IFT52: variants seen among roughly 807,000 people sequenced by gnomAD.
IFT52 encodes the protein intraflagellar transport 52.
A neutral mutation model predicts 54.4 loss-of-function variants in IFT52; 44 were observed. That is an observed-to-expected ratio of 0.81 (90% CI 0.63 to 1.04). IFT52 has a LOEUF of 1.04. Among genes scored for constraint, IFT52 ranks in the 50% least tolerant of loss-of-function variants. IFT52 has a pLI of 0.00. For missense variants in IFT52, 452 were observed against 523.6 expected (o/e 0.86, Z 1.33); for synonymous variants, 181 against 185.3 (o/e 0.98, Z 0.19).
intron 3 of IFT52, 71 bp from the exon 4 acceptor site, chr20:43,603,689 G>C (rs1473091557): frequency 1.5e-6 from 2 of 1,347,012 alleles, no homozygotes; most frequent in African/African-American, 2.9e-5. Context: ...ATCTAGTTAA[G>C]GTCTTATTCA....
intron 6 of IFT52, among the ~76,000 whole-genome samples, chr20:43,613,121 G>A (rs1600477406): frequency 1.3e-5 from 2 of 152,238 alleles, no homozygotes; most frequent in African/African-American, 2.4e-5. Flanking sequence ...CTGTGTAGAA[G>A]TGTCCATTAT....
chr20:43,625,953 T>A (rs143686414), intron 10 of IFT52, among the ~76,000 whole-genome samples: 1 of 149,370 alleles, frequency 6.7e-6, no homozygotes, highest in Non-Finnish European at 1.5e-5. Flanking sequence ...GGAGGATTGC[T>A]TGGGCCCCAA....
intron 6 of IFT52, among the ~76,000 whole-genome samples, chr20:43,613,598 A>G (rs1024156225): frequency 4.6e-5 from 7 of 152,212 alleles, no homozygotes; most frequent in African/African-American, 1.7e-4. Flanking sequence ...CCTGGTCAAC[A>G]TGGTAAAACC....
intron 3 of IFT52, among the ~76,000 whole-genome samples, chr20:43,601,549 C>A (rs1391514940): frequency 6.6e-6 from 1 of 152,184 alleles, no homozygotes; most frequent in African/African-American, 2.4e-5. Flanking sequence ...GTATCTTTTT[C>A]TTAAAATGCC....
At chr20:43,640,223 G>A (rs1463923483) in intron 12 of IFT52, among the ~76,000 whole-genome samples, 3 of 151,942 alleles carry the variant, frequency 2.0e-5, no homozygotes, top group Non-Finnish European at 4.4e-5. Flanking sequence ...TTGGGAGGCC[G>A]AGGCAGGTGG....
At chr20:43,643,281 T>A (rs193196074) in intron 13 of IFT52, among the ~76,000 whole-genome samples, 2,122 of 20,900 alleles carry the variant, frequency 0.1, 126 homozygotes, top group Admixed American at 0.12. Context: ...AGGTCAGGAG[T>A]TTGAGACCAG....
At chr20:43,639,979 CTG>C (rs1306614544) in intron 12 of IFT52, among the ~76,000 whole-genome samples, 10 of 151,896 alleles carry the variant, frequency 6.6e-5, no homozygotes, top group Admixed American at 2.6e-4. Flanking sequence ...CTGGGCAACA[CTG>C]TGAGACCTCT....
chr20:43,606,150 G>A (rs1012819747), intron 6 of IFT52, among the ~76,000 whole-genome samples: 1 of 151,846 alleles, frequency 6.6e-6, no homozygotes, highest in Non-Finnish European at 1.5e-5. Context: ...GAACCTGGGA[G>A]GTGGAGGTTG....
chr20:43,640,313 A>G (rs1229597290), intron 12 of IFT52, among the ~76,000 whole-genome samples: 1 of 152,090 alleles, frequency 6.6e-6, no homozygotes, highest in East Asian at 1.9e-4. Flanking sequence ...ATAAAAAATT[A>G]GCCAGGCATG....
intron 1 of IFT52, among the ~76,000 whole-genome samples, chr20:43,592,570 C>CAA (rs10715757): frequency 0.04 from 5,729 of 142,036 alleles, 317 homozygotes; most frequent in African/African-American, 0.12. Context: ...CAGACTCTCT[C>CAA]AAAAAAAAAA....
rs1490072517 is a variant in IFT52 at position 43,647,268 on chromosome 20, A to C, written c.*285A>C. ...TTTCTCAACCCCAGTTCTGGATTTGAGTCTTTTATCAAAGACATAATTAAC... is the reference window on the plus strand; with the variant it reads ...TTTCTCAACCCCAGTTCTGGATTTGCGTCTTTTATCAAAGACATAATTAAC... On this transcript the variant is annotated 3_prime_UTR_variant, in exon 14 of 14. Transcript: ENST00000373030. 2.3e-6 allele frequency: 1 copy of C among 440,526 alleles called. No homozygotes were observed. The highest frequency in any genetic ancestry group is 4.0e-6 in the Non-Finnish European group (1 of 248,544). The allele number at this position is 440,526 out of a possible 1,614,324, so 27.3% of individuals were successfully genotyped here.
rs535055374 is a variant in IFT52 at position 43,643,924 on chromosome 20, C to G, written c.1266+1300C>G. On this transcript the variant is annotated intron_variant, in intron 13 of 13. Coordinates refer to ENST00000373030, the MANE Select transcript of IFT52 (RefSeq NM_016004.5). ...GACCATCCTGGCCAACATGGTGAAA[C>G]CCCATCTCTACTAAAAATACAAAAA... Among the ~76,000 whole-genome samples the G allele has an allele frequency of 2.6e-3, 151 of 57,446 alleles. 54 individuals carry two copies. The highest frequency in any genetic ancestry group is 7.5e-3 in the African/African-American group (148 of 19,842). The allele number at this position is 57,446 out of a possible 152,430, so 37.7% of individuals were successfully genotyped here.
intron 10 of IFT52, among the ~76,000 whole-genome samples, chr20:43,631,143 C>A (rs1012347411): frequency 3.3e-5 from 5 of 152,174 alleles, no homozygotes; most frequent in Admixed American, 6.5e-5. Flanking sequence ...TCTGATCTTG[C>A]CTTTGTCCCA....
chr20:43,594,426 G>C (rs964766188), intron 1 of IFT52, among the ~76,000 whole-genome samples: 20 of 152,210 alleles, frequency 1.3e-4, no homozygotes, highest in African/African-American at 4.6e-4. Flanking sequence ...GCAGGGCAGA[G>C]CCATAGGTGT....
rs758698679 is a variant in IFT52, at chr20:43,642,576, C to T, written c.1218C>T (p.Ile406=). 6 of 1,614,158 alleles carry T rather than the reference C, an allele frequency of 3.7e-6. No homozygotes were observed. The highest frequency in any genetic ancestry group is 2.2e-5 in the South Asian group (2 of 91,084). The change falls in exon 13 of 14, where the codon ATC becomes ATT. Residue 406 remains isoleucine, a synonymous_variant. Transcript: ENST00000373030. ...AGGACCAACAGGATGCCAAACATAT[C>T]CTTGAGCACGTCTTCTTCCAAGTGG... The part of the protein sequence containing the change: ...LPKDQQDAKH[I]LEHVFFQVVE...
intron 6 of IFT52, among the ~76,000 whole-genome samples, chr20:43,609,169 A>G (rs1308734005): frequency 6.6e-6 from 1 of 150,758 alleles, no homozygotes; most frequent in Non-Finnish European, 1.5e-5. Flanking sequence ...TTGAACCCAG[A>G]AGGTTGAGGC....
intron 7 of IFT52, 113 bp downstream of exon 7, chr20:43,614,089 A>G: frequency 1.1e-6 from 1 of 894,864 alleles, no homozygotes; most frequent in Non-Finnish European, 1.7e-6. Context: ...TCTTCCTGCC[A>G]GTCCTGCAAA....
At chr20:43,607,708 G>A (rs1214357288) in intron 6 of IFT52, among the ~76,000 whole-genome samples, 7 of 150,886 alleles carry the variant, frequency 4.6e-5, no homozygotes, top group Admixed American at 6.6e-5. Context: ...GATGATGGGC[G>A]GCCAGGCAGA....
intron 9 of IFT52, among the ~76,000 whole-genome samples, chr20:43,623,079 GGGTGGGCACATGTTAT>G (rs1727318095): frequency 6.6e-6 from 1 of 152,050 alleles, no homozygotes; most frequent in African/African-American, 2.4e-5. Context: ...GGATGCTAGG[GGGTGGGCACATGTTAT>G]GGTGGGAGCT....
Sources: allele counts gnomAD v4.1 joint callset (sites outside exome capture counted in the v4.1 genomes callset), GRCh38; gene constraint gnomAD v4.1.1; transcripts MANE v1.5; gene names NCBI Gene and HGNC (gene_info 2026-07-23, HGNC 2026-07-21).